Variants in PLCB4 observed in about 807,000 individuals in gnomAD.
PLCB4 encodes phospholipase C beta 4.
In PLCB4, 77 loss-of-function variants were observed where a neutral mutation model predicts 178.8. The ratio of observed to expected loss-of-function variants is 0.43; its 90% CI spans 0.36 to 0.52. The LOEUF is 0.52. PLCB4 is among the 20% of genes least tolerant of loss of function. The pLI is 0.00. For synonymous variants in PLCB4, 496 were observed against 490.8 expected (o/e 1.01, Z -0.14); for missense variants, 1,024 against 1,453.4 (o/e 0.70, Z 4.80).
intron 3 of PLCB4, among the ~76,000 whole-genome samples, chr20:9,261,548 C>A (rs1028642570): frequency 2.0e-5 from 3 of 152,052 alleles, no homozygotes; most frequent in African/African-American, 7.2e-5. Flanking sequence ...TGAATTAGAT[C>A]ATTTTAGAGA....
At chr20:9,304,695 G>A (rs1001298682) in intron 3 of PLCB4, among the ~76,000 whole-genome samples, 14 of 151,984 alleles carry the variant, frequency 9.2e-5, no homozygotes, top group African/African-American at 3.1e-4. Context: ...GTGATGCTGC[G>A]TGCTCACATG....
intron 3 of PLCB4, among the ~76,000 whole-genome samples, chr20:9,288,296 G>A (rs948934906): frequency 1.3e-5 from 2 of 151,838 alleles, no homozygotes; most frequent in Admixed American, 6.6e-5. Flanking sequence ...CTAAGACTGC[G>A]TTAAGGTTTC....
At chr20:9,231,751 A>G (rs928160330) in intron 3 of PLCB4, among the ~76,000 whole-genome samples, 1 of 152,184 alleles carries the variant, frequency 6.6e-6, no homozygotes, top group African/African-American at 2.4e-5. Context: ...AGATTCTTAT[A>G]TAGTTAAACA....
chr20:9,202,730 A>G (rs898464783), intron 2 of PLCB4, among the ~76,000 whole-genome samples: 1 of 152,140 alleles, frequency 6.6e-6, no homozygotes, highest in Admixed American at 6.5e-5. Flanking sequence ...ATTTGTAGAT[A>G]TATCAGCTGC....
chr20:9,104,582 C>T (rs1478144794), intron 2 of PLCB4, among the ~76,000 whole-genome samples: 1 of 152,094 alleles, frequency 6.6e-6, no homozygotes, highest in African/African-American at 2.4e-5. Context: ...TCCTGTAGCT[C>T]CCCATTTTCT....
chr20:9,078,520 C>G lies in PLCB4; in HGVS notation c.-135+9314C>G, dbSNP rs574629159. The stretch of plus-strand genomic sequence containing the variant: ...TGGGTTACAGGTGTGTGCCACCAAG[C>G]CCGGCTAATTTTTGTATTTTTAGTA... On this transcript the variant is annotated intron_variant, in intron 1 of 39. Transcript: ENST00000378473. 7.2e-5 allele frequency among the ~76,000 whole-genome samples: 11 copies of G among 151,970 alleles called. 1 individual carries two copies. The highest frequency in any genetic ancestry group is 3.9e-4 in the Admixed American group (6 of 15,268).
intron 2 of PLCB4, among the ~76,000 whole-genome samples, chr20:9,133,832 C>A (rs2092328126): frequency 6.6e-6 from 1 of 152,164 alleles, no homozygotes. Flanking sequence ...CACAGTGGTT[C>A]TTCCTCTGTC....
At chr20:9,266,854 G>T (rs2094354423) in intron 3 of PLCB4, among the ~76,000 whole-genome samples, 1 of 152,198 alleles carries the variant, frequency 6.6e-6, no homozygotes, top group South Asian at 2.1e-4. Flanking sequence ...ATGTTAAAAT[G>T]TTACAAATTA....
Position 9,154,229 on chromosome 20 carries a change from A to T in PLCB4, c.-79+57887A>T, listed in dbSNP as rs1160551042. On this transcript the variant is annotated intron_variant, in intron 2 of 39. Transcript: ENST00000378473. Reference sequence around the variant, plus strand: ...TTTTGTCATCTTACTCTTAAGTTCCATATAACACTTTAAAAAAATTTTTCT... The same window carrying T: ...TTTTGTCATCTTACTCTTAAGTTCCTTATAACACTTTAAAAAAATTTTTCT... 6.8e-4 allele frequency among the ~76,000 whole-genome samples: 104 copies of T among 152,302 alleles called. 1 individual carries two copies. The highest frequency in any genetic ancestry group is 2.2e-3 in the African/African-American group (92 of 41,554).
chr20:9,351,292 G>A (rs74447847), intron 7 of PLCB4, among the ~76,000 whole-genome samples: 8,115 of 152,156 alleles, frequency 0.053, 686 homozygotes, highest in African/African-American at 0.18. Context: ...CCCATCAACA[G>A]AAGAAGTATT....
intron 36 of PLCB4, among the ~76,000 whole-genome samples, chr20:9,469,261 G>C (rs892058633): frequency 2.0e-5 from 3 of 152,134 alleles, no homozygotes; most frequent in African/African-American, 7.2e-5. Flanking sequence ...GATTATAGGC[G>C]TGAGCCACTG....
rs183475458 is a variant in PLCB4, at chr20:9,363,856, C to G, written c.449+881C>G. ...CCAAGAGTGTGATTCATCATACTCA[C>G]TTGGCAATGGGCCAAGAGGTTAGTC... On this transcript the variant is annotated intron_variant, in intron 8 of 39. Transcript: ENST00000378473. Among the ~76,000 whole-genome samples the G allele has an allele frequency of 2.0e-3, 300 of 152,288 alleles. 1 individual carries two copies. Among genetic ancestry groups the G allele is most frequent in the African/African-American group, 7.0e-3 (290 of 41,562 alleles).
chr20:9,248,929 C>T (rs2094151986), intron 3 of PLCB4, among the ~76,000 whole-genome samples: 1 of 152,214 alleles, frequency 6.6e-6, no homozygotes. Flanking sequence ...AAGGGGCTGG[C>T]AGAGCTGCTT....
chr20:9,177,562 A>G (rs2093175862), intron 2 of PLCB4, among the ~76,000 whole-genome samples: 2 of 152,282 alleles, frequency 1.3e-5, no homozygotes, highest in Admixed American at 1.3e-4. Context: ...ACTTAGAACC[A>G]ATGTAAGTAA....
chr20:9,305,542 CTTT>C (rs1382889516), intron 3 of PLCB4, among the ~76,000 whole-genome samples: 1 of 151,800 alleles, frequency 6.6e-6, no homozygotes, highest in Admixed American at 6.6e-5. Context: ...TTCTTTTCTA[CTTT>C]TTTGGCATAG....
chr20:9,132,743 T>C (rs1335063417), intron 2 of PLCB4, among the ~76,000 whole-genome samples: 2 of 152,186 alleles, frequency 1.3e-5, no homozygotes, highest in African/African-American at 4.8e-5. Context: ...TTGCTTTTTC[T>C]AAACGGCAAA....
At chr20:9,241,040 G>A (rs2094054912) in intron 3 of PLCB4, among the ~76,000 whole-genome samples, 1 of 152,106 alleles carries the variant, frequency 6.6e-6, no homozygotes, top group Admixed American at 6.5e-5. Flanking sequence ...TGGTTTAGAA[G>A]GAAAGATAAG....
At chr20:9,285,883 T>C (rs1324771994) in intron 3 of PLCB4, among the ~76,000 whole-genome samples, 1 of 152,028 alleles carries the variant, frequency 6.6e-6, no homozygotes, top group African/African-American at 2.4e-5. Flanking sequence ...ATAGTGTCCA[T>C]GTCTATTGTG....
In PLCB4 at chr20:9,350,504, A is replaced by T. The variant is rs140032772; in HGVS notation, c.369+11467A>T. On this transcript the variant is annotated intron_variant, in intron 7 of 39. Transcript: ENST00000378473. ...GCAGTGGCTCTCTCTAGTGCTCTAG[A>T]TCCTGAATTCTACCACCACCCTGTG... Among the ~76,000 whole-genome samples the T allele has an allele frequency of 7.8e-3, 1,190 of 152,230 alleles. 19 individuals are homozygous for T. The highest frequency in any genetic ancestry group is 0.027 in the African/African-American group (1,127 of 41,540).
Sources: allele counts gnomAD v4.1 joint callset (sites outside exome capture counted in the v4.1 genomes callset), GRCh38; gene constraint gnomAD v4.1.1; transcripts MANE v1.5; gene names NCBI Gene and HGNC (gene_info 2026-07-23, HGNC 2026-07-21).